Variants in PTPRG observed in about 807,000 individuals in gnomAD.
PTPRG encodes the protein receptor-type tyrosine-protein phosphatase gamma.
A neutral mutation model predicts 165.3 loss-of-function variants in PTPRG; 102 were observed. That is an observed-to-expected ratio of 0.62 (90% CI 0.53 to 0.73). The LOEUF is 0.73. PTPRG is among the 30% of genes least tolerant of loss of function. The pLI is 0.00. For missense variants in PTPRG, 1,866 were observed against 1,861.4 expected, an observed-to-expected ratio of 1.00 and a Z score of -0.05; for synonymous variants, 675 against 669.5, an observed-to-expected ratio of 1.01 and a Z score of -0.13.
intron 2 of PTPRG, among the ~76,000 whole-genome samples, chr3:61,786,134 A>G (rs1298976805): frequency 1.3e-5 from 2 of 152,230 alleles, no homozygotes; most frequent in African/African-American, 4.8e-5. Context: ...AATAAAGACA[A>G]ACAAACATAT....
intron 5 of PTPRG, among the ~76,000 whole-genome samples, chr3:62,098,830 C>A (rs560288990): frequency 6.6e-6 from 1 of 152,286 alleles, no homozygotes; most frequent in Admixed American, 6.5e-5. Flanking sequence ...TCATACTTAA[C>A]ATCTCCTTGT....
chr3:61,680,865 G>C (rs1703418185), intron 1 of PTPRG, among the ~76,000 whole-genome samples: 1 of 127,516 alleles, frequency 7.8e-6, no homozygotes, highest in Non-Finnish European at 1.8e-5. Flanking sequence ...TTGGGAACCT[G>C]TATATGGCAT....
At chr3:61,642,078 G>A (rs1023006331) in intron 1 of PTPRG, among the ~76,000 whole-genome samples, 8 of 152,134 alleles carry the variant, frequency 5.3e-5, no homozygotes, top group Admixed American at 4.6e-4. Flanking sequence ...TTGCCCACTC[G>A]CCTGGATTGT....
At chr3:61,837,534 C>A (rs1313346853) in intron 2 of PTPRG, among the ~76,000 whole-genome samples, 1 of 152,172 alleles carries the variant, frequency 6.6e-6, no homozygotes, top group African/African-American at 2.4e-5. Context: ...TACGGAGGTG[C>A]AGCCTGAATA....
intron 5 of PTPRG, among the ~76,000 whole-genome samples, chr3:62,088,703 GC>G (rs1701833099): frequency 1.3e-5 from 2 of 152,338 alleles, no homozygotes; most frequent in African/African-American, 4.8e-5. Flanking sequence ...ATGTACAAAT[GC>G]TTTTGAACTT....
chr3:62,099,721 C>A (rs1207347217), intron 5 of PTPRG, among the ~76,000 whole-genome samples: 5 of 151,282 alleles, frequency 3.3e-5, no homozygotes, highest in Non-Finnish European at 7.4e-5. Flanking sequence ...TATTACAAGG[C>A]ACTCATCAAA....
At chr3:61,770,603 G>C (rs2034179087) in intron 2 of PTPRG, 1 of 151,864 alleles carries the variant, frequency 6.6e-6, no homozygotes, top group Non-Finnish European at 1.5e-5. Context: ...ATTTAATCTA[G>C]TTTCATTTGG....
chr3:61,716,539 G>C (rs2031815208), intron 1 of PTPRG, among the ~76,000 whole-genome samples: 1 of 151,490 alleles, frequency 6.6e-6, no homozygotes, highest in East Asian at 1.9e-4. Context: ...CATCTTATGT[G>C]TCCCCATTGC....
chr3:61,638,382 C>G (rs1450853699), intron 1 of PTPRG, among the ~76,000 whole-genome samples: 31 of 151,884 alleles, frequency 2.0e-4, no homozygotes, highest in Admixed American at 2.0e-3. Context: ...AAGCACCTTG[C>G]AAGAACCCTG....
chr3:62,236,328 A>T (rs554515553), intron 14 of PTPRG, among the ~76,000 whole-genome samples: 1 of 152,324 alleles, frequency 6.6e-6, no homozygotes, highest in South Asian at 2.1e-4. Flanking sequence ...TAATAAATCA[A>T]TCCATGCCTT....
chr3:61,601,162 G>A (rs1378653034), intron 1 of PTPRG, among the ~76,000 whole-genome samples: 1 of 152,158 alleles, frequency 6.6e-6, no homozygotes, highest in African/African-American at 2.4e-5. Flanking sequence ...AGGCTGAGGT[G>A]GGAGAATCAC....
intron 2 of PTPRG, among the ~76,000 whole-genome samples, chr3:61,766,834 G>A (rs2034033297): frequency 6.6e-6 from 1 of 151,632 alleles, no homozygotes; most frequent in African/African-American, 2.4e-5. Flanking sequence ...TGGCCAGGCT[G>A]GTCTCAAACT....
chr3:61,917,255 T>C (rs2038963921), intron 2 of PTPRG, among the ~76,000 whole-genome samples: 1 of 152,214 alleles, frequency 6.6e-6, no homozygotes, highest in Non-Finnish European at 1.5e-5. Context: ...CTCACATCAG[T>C]GCATTGCTAT....
chr3:62,277,442 T>G lies in PTPRG; in HGVS notation c.3637-109T>G, dbSNP rs1702267106. The G allele has an allele frequency of 2.4e-6, 3 of 1,246,920 alleles. No homozygotes were observed. In the African/African-American group the frequency reaches 4.5e-5, roughly 19 times the overall value. The allele number at this position is 1,246,920 out of a possible 1,614,324, so 77.2% of individuals were successfully genotyped here. A position where few individuals can be genotyped will look rare whatever the true frequency, so the allele number is the denominator to read the frequency against. ...TGTACCGAATGCCTTTCTCAATTAT[T>G]TTAGTGTAGTCAAAACAGTGCTATC... is the stretch of plus-strand genomic sequence containing the variant. On this transcript the variant is annotated intron_variant, in intron 25 of 29. Transcript: ENST00000474889.
intron 12 of PTPRG, among the ~76,000 whole-genome samples, chr3:62,216,105 G>A (rs1700496226): frequency 6.6e-6 from 1 of 151,890 alleles, no homozygotes; most frequent in African/African-American, 2.4e-5. Flanking sequence ...GTAATTCCAG[G>A]TACTTGGAGG....
Position 62,271,936 on chromosome 3 carries a change from A to T in PTPRG, c.3182+381A>T, listed in dbSNP as rs959310769. Among the ~76,000 whole-genome samples the T allele has an allele frequency of 2.6e-5, 4 of 152,070 alleles. No individual in the cohort carries two copies. Among genetic ancestry groups the T allele is most frequent in the African/African-American group, 9.7e-5 (4 of 41,398 alleles). On this transcript the variant is annotated intron_variant, in intron 21 of 29. Coordinates refer to ENST00000474889, the MANE Select transcript of PTPRG (RefSeq NM_002841.4). This position sits in a 1 kb window ranked among gnomAD's most constrained non-coding sequence, Gnocchi z 4.1. Reference sequence around the variant, plus strand: ...GACACCCCATTTCTACAAAAATTAAAAATAAAAAAATTAGCCAGCATGGTG... The same window carrying T: ...GACACCCCATTTCTACAAAAATTAATAATAAAAAAATTAGCCAGCATGGTG...
intron 1 of PTPRG, among the ~76,000 whole-genome samples, chr3:61,685,764 T>C (rs1308872824): frequency 6.6e-6 from 1 of 152,208 alleles, no homozygotes; most frequent in East Asian, 1.9e-4. Flanking sequence ...GTTTATTTCC[T>C]ACACAGCATT....
At chr3:62,097,383 C>A (rs1702153353) in intron 5 of PTPRG, among the ~76,000 whole-genome samples, 1 of 152,204 alleles carries the variant, frequency 6.6e-6, no homozygotes, top group African/African-American at 2.4e-5. Flanking sequence ...AGTCCCACAA[C>A]AGCACCGAGT....
At position 62,075,980 on chromosome 3, in the gene PTPRG, A is replaced by G. The variant is rs1701367558; in HGVS notation, c.520-2183A>G. Among the ~76,000 whole-genome samples, 6 of 151,964 alleles carry G rather than the reference A, an allele frequency of 3.9e-5. No individual in the cohort carries two copies. The South Asian group carries it at 6.2e-4, about 16-fold the overall frequency. ...TGCCAAATGTTAATCTTAAAATATGATGATGATGATGATGACCAGGCGCAG... is the reference window on the plus strand; with the variant it reads ...TGCCAAATGTTAATCTTAAAATATGGTGATGATGATGATGACCAGGCGCAG... On this transcript the variant is annotated intron_variant, in intron 4 of 29. Transcript: ENST00000474889.
Sources: allele counts gnomAD v4.1 joint callset (sites outside exome capture counted in the v4.1 genomes callset), GRCh38; gene constraint gnomAD v4.1.1; non-coding constraint Gnocchi (gnomAD v3.1); transcripts MANE v1.5; gene names NCBI Gene and HGNC (gene_info 2026-07-23, HGNC 2026-07-21).